PMFBP1: variants seen among roughly 807,000 people sequenced by gnomAD.
The protein encoded by PMFBP1 is polyamine-modulated factor 1-binding protein 1.
In PMFBP1, 131 loss-of-function variants were observed where a neutral mutation model predicts 137.8. That is an observed-to-expected ratio of 0.95 (90% CI 0.82 to 1.10). The LOEUF (loss-of-function observed/expected upper bound fraction) is 1.10, where lower values mean the gene tolerates loss of function less well. Among genes scored for constraint, PMFBP1 ranks in the 50% least tolerant of loss-of-function variants. The probability of loss-of-function intolerance (pLI) is 0.00; values close to 1 mark genes in which losing one functional copy is unlikely to be tolerated. For synonymous variants in PMFBP1, 490 were observed against 450.4 expected, an observed-to-expected ratio of 1.09 and a Z score of -1.11; for missense variants, 1,199 against 1,175.4, an observed-to-expected ratio of 1.02 and a Z score of -0.29.
At chr16:72,123,732 C>A (rs890899426) in intron 17 of PMFBP1, 83 bp from the exon 18 acceptor site, 7 of 1,265,518 alleles carry the variant, frequency 5.5e-6, no homozygotes, top group Non-Finnish European at 7.7e-6. Flanking sequence ...CCTCTTCTAT[C>A]TCCCTGGGAA....
At chr16:72,221,802 A>G in the PMFBP1 span, among the ~76,000 whole-genome samples, 1 of 152,208 alleles carries the variant, frequency 6.6e-6, no homozygotes, top group South Asian at 2.1e-4. Context: ...GTCATACTTT[A>G]ATGTTTAGAC....
At chr16:72,176,151 C>T (rs7201225), upstream of PMFBP1, among the ~76,000 whole-genome samples, 76,159 of 151,962 alleles carry the variant, frequency 0.5, 19,999 homozygotes, top group African/African-American at 0.67. Context: ...GACTGAGCCA[C>T]AGTCCAATTC....
chr16:72,122,532 A>G (rs1366801938), intron 19 of PMFBP1, among the ~76,000 whole-genome samples: 1 of 152,136 alleles, frequency 6.6e-6, no homozygotes, highest in Non-Finnish European at 1.5e-5. Flanking sequence ...TCACCTGATG[A>G]TTTCATGAAG....
chr16:72,147,297 G>A (rs1178441786), intron 5 of PMFBP1, among the ~76,000 whole-genome samples: 2 of 152,126 alleles, frequency 1.3e-5, no homozygotes, highest in Admixed American at 1.3e-4. Flanking sequence ...TTAATAAATG[G>A]TGCTGGGAAA....
chr16:72,160,096 T>C (rs2043039924), intron 3 of PMFBP1, among the ~76,000 whole-genome samples: 1 of 152,218 alleles, frequency 6.6e-6, no homozygotes, highest in South Asian at 2.1e-4. Flanking sequence ...CTACTTGTGG[T>C]CAAAGAGATT....
chr16:72,118,687 T>G (rs1287635314), downstream of PMFBP1, among the ~76,000 whole-genome samples: 1 of 152,208 alleles, frequency 6.6e-6, no homozygotes, highest in Non-Finnish European at 1.5e-5. Context: ...TAATGGAATT[T>G]CACTTGTATT....
chr16:72,204,136 C>T, the PMFBP1 span, among the ~76,000 whole-genome samples: 9 of 151,882 alleles, frequency 5.9e-5, no homozygotes, highest in African/African-American at 2.2e-4. Flanking sequence ...ACTCAGCATA[C>T]TTCTCTTATG....
intron 3 of PMFBP1, among the ~76,000 whole-genome samples, chr16:72,158,074 G>T (rs2144463221): frequency 6.6e-6 from 1 of 152,328 alleles, no homozygotes; most frequent in Non-Finnish European, 1.5e-5. Context: ...GGAAGGTAAA[G>T]GAGGCTTAAC....
chr16:72,246,907 A>G, the PMFBP1 span, among the ~76,000 whole-genome samples: 1 of 152,188 alleles, frequency 6.6e-6, no homozygotes, highest in Non-Finnish European at 1.5e-5. Flanking sequence ...ATAGAAATAA[A>G]AAGTTTTACT....
At chr16:72,175,437 C>G (rs552191457), upstream of PMFBP1, among the ~76,000 whole-genome samples, 20 of 152,168 alleles carry the variant, frequency 1.3e-4, no homozygotes, top group Non-Finnish European at 2.4e-4. Flanking sequence ...TACACAAATG[C>G]CGTAATCACA....
At chr16:72,210,167 G>A in the PMFBP1 span, among the ~76,000 whole-genome samples, 8 of 152,278 alleles carry the variant, frequency 5.3e-5, no homozygotes, top group South Asian at 1.5e-3. Context: ...CGAAACTTAC[G>A]AAGTTGCAGG....
In PMFBP1 at chr16:72,124,986, G is replaced by A. The variant is rs367962540; in HGVS notation, c.2422-52C>T. On this transcript the variant is annotated intron_variant, in intron 16 of 20. Coordinates refer to ENST00000237353, the MANE Select transcript of PMFBP1 (RefSeq NM_031293.3). The stretch of plus-strand genomic sequence containing the variant: ...GGGACTCCAGCTGGCCTCCCTGACC[G>A]CAGGACCCACAAGGCCAGAGGGTGC... 3.8e-5 allele frequency: 61 copies of A among 1,593,870 alleles called. No homozygotes were observed. The African/African-American group carries it at 4.4e-4, about 12-fold the overall frequency.
At chr16:72,194,177 C>A in the PMFBP1 span, among the ~76,000 whole-genome samples, 1 of 152,070 alleles carries the variant, frequency 6.6e-6, no homozygotes, top group South Asian at 2.1e-4. Context: ...TATTCCCTTA[C>A]CCGGTTTATT....
chr16:72,193,582 G>C, the PMFBP1 span, among the ~76,000 whole-genome samples: 3 of 151,876 alleles, frequency 2.0e-5, no homozygotes, highest in Non-Finnish European at 4.4e-5. Flanking sequence ...TTATTAAAGA[G>C]AAAGCTTGGA....
rs1325768497 is a variant in PMFBP1 at position 72,132,902 on chromosome 16, C to T, written c.1293G>A (p.Leu431=). 6.2e-7 allele frequency: 1 copy of T among 1,614,240 alleles called. No individual in the cohort carries two copies. Among genetic ancestry groups the T allele is most frequent in the Admixed American group, 1.7e-5 (1 of 60,024 alleles). The change falls in exon 10 of 21, where the codon CTG becomes CTA. Residue 431 remains leucine (L), a synonymous_variant. Transcript: ENST00000237353. ...QNSLLKKEKE[L]EKQQCMATEL... ...CTGTGGCCATGCACTGCTGCTTCTC[C>T]AGCTCCTTCTCCTTTTTCAGGAGGC...
At chr16:72,212,643 C>T in the PMFBP1 span, among the ~76,000 whole-genome samples, 6 of 152,250 alleles carry the variant, frequency 3.9e-5, no homozygotes, top group Admixed American at 2.0e-4. Context: ...AAGAGATAAG[C>T]GGACACATGA....
chr16:72,123,121 G>A (rs1028009550), intron 18 of PMFBP1, 133 bp from the exon 19 acceptor site: 10 of 760,602 alleles, frequency 1.3e-5, no homozygotes, highest in African/African-American at 5.2e-5. Context: ...GCATCACCCC[G>A]TCCGCAGAGC....
chr16:72,219,057 GAC>G, the PMFBP1 span, among the ~76,000 whole-genome samples: 3 of 152,202 alleles, frequency 2.0e-5, no homozygotes, highest in Admixed American at 2.0e-4. Context: ...GATGTTTTGA[GAC>G]ATGTATACAT....
chr16:72,186,889 G>C, the PMFBP1 span, among the ~76,000 whole-genome samples: 1 of 152,144 alleles, frequency 6.6e-6, no homozygotes, highest in Non-Finnish European at 1.5e-5. Context: ...TCAGTGGGCA[G>C]ATCACCTGAG....
Sources: allele counts gnomAD v4.1 joint callset (sites outside exome capture counted in the v4.1 genomes callset), GRCh38; gene constraint gnomAD v4.1.1; transcripts MANE v1.5; gene names NCBI Gene and HGNC (gene_info 2026-07-23, HGNC 2026-07-21).